The following DPP10 variants were observed in gnomAD, a reference collection of about 807,000 sequenced individuals.
The protein encoded by DPP10 is inactive dipeptidyl peptidase 10.
A neutral mutation model predicts 120.9 loss-of-function variants in DPP10; 33 were observed. The observed-to-expected ratio is 0.27, with a 90% CI of 0.21 to 0.37. The LOEUF (loss-of-function observed/expected upper bound fraction) is 0.37, where lower values mean the gene tolerates loss of function less well. Among genes scored for constraint, DPP10 ranks in the 10% least tolerant of loss-of-function variants. The probability of loss-of-function intolerance (pLI) is 1.00; values close to 1 mark genes in which losing one functional copy is unlikely to be tolerated. For synonymous variants in DPP10, 337 were observed against 326.1 expected (o/e 1.03, Z -0.36); for missense variants, 816 against 942.8 (o/e 0.87, Z 1.76).
intron 1 of DPP10, among the ~76,000 whole-genome samples, chr2:114,778,639 G>C (rs1284481519): frequency 6.6e-6 from 1 of 151,902 alleles, no homozygotes; most frequent in African/African-American, 2.4e-5. Context: ...AAATAGTAAA[G>C]AAATCATGGA....
At chr2:115,509,061 G>A (rs907902673) in intron 4 of DPP10, among the ~76,000 whole-genome samples, 5 of 152,120 alleles carry the variant, frequency 3.3e-5, no homozygotes, top group African/African-American at 1.2e-4. Flanking sequence ...ACAGGTTGGA[G>A]AATTAAGTAG....
At chr2:115,059,065 G>A (rs1389527851) in intron 1 of DPP10, among the ~76,000 whole-genome samples, 1 of 152,088 alleles carries the variant, frequency 6.6e-6, no homozygotes, top group Non-Finnish European at 1.5e-5. Flanking sequence ...TATACAGTCA[G>A]TCATTCCGCT....
At chr2:115,533,385 A>G (rs1234287671) in intron 5 of DPP10, among the ~76,000 whole-genome samples, 1 of 152,116 alleles carries the variant, frequency 6.6e-6, no homozygotes, top group Non-Finnish European at 1.5e-5. Context: ...GCAAAAGATC[A>G]GCATTGTTAT....
At chr2:115,541,213 TC>T (rs899167742) in intron 5 of DPP10, among the ~76,000 whole-genome samples, 5 of 151,936 alleles carry the variant, frequency 3.3e-5, no homozygotes, top group Non-Finnish European at 7.4e-5. Flanking sequence ...AGAAAAATGT[TC>T]CAAATTATGG....
intron 3 of DPP10, among the ~76,000 whole-genome samples, chr2:115,433,705 T>A (rs1338293199): frequency 2.0e-5 from 3 of 152,016 alleles, no homozygotes; most frequent in African/African-American, 7.2e-5. Context: ...ACAAATTGAA[T>A]ACACTCAGTA....
chr2:114,916,169 A>C (rs1340206845), intron 1 of DPP10, among the ~76,000 whole-genome samples: 1 of 152,228 alleles, frequency 6.6e-6, no homozygotes, highest in East Asian at 1.9e-4. Flanking sequence ...ACAGAAATAC[A>C]GAAAATCCTC....
At chr2:115,628,583 A>T (rs985698995) in intron 5 of DPP10, among the ~76,000 whole-genome samples, 5 of 152,086 alleles carry the variant, frequency 3.3e-5, no homozygotes, top group Admixed American at 2.6e-4. Context: ...TCATCATGAA[A>T]TTTTTGCCTA....
At chr2:114,908,825 T>C (rs1230344769) in intron 1 of DPP10, among the ~76,000 whole-genome samples, 4 of 151,736 alleles carry the variant, frequency 2.6e-5, no homozygotes, top group Non-Finnish European at 5.9e-5. Flanking sequence ...ACTTTGCATT[T>C]CTGGAATAAG....
chr2:115,796,873 C>T (rs934091161), intron 19 of DPP10, among the ~76,000 whole-genome samples: 6 of 151,932 alleles, frequency 3.9e-5, no homozygotes, highest in African/African-American at 9.7e-5. Flanking sequence ...GTATGTGTTC[C>T]CCCAAGTTCA....
At chr2:115,591,791 A>G (rs1289642593) in intron 5 of DPP10, among the ~76,000 whole-genome samples, 4 of 152,194 alleles carry the variant, frequency 2.6e-5, no homozygotes, top group African/African-American at 9.7e-5. Flanking sequence ...CCATGAGCAT[A>G]GAACATTCTT....
At chr2:115,162,098 C>CA (rs2104971219) in intron 1 of DPP10, 3 of 1,502,496 alleles carry the variant, frequency 2.0e-6, no homozygotes, top group East Asian at 5.5e-5. Flanking sequence ...GCCCGCCTCC[C>CA]GCTTCCCAGG....
rs150118493 is a variant in DPP10, at chr2:115,693,210, A to G, written c.576+3289A>G. On this transcript the variant is annotated intron_variant, in intron 7 of 25. Transcript: ENST00000410059. ...AGAACTCTCTGTAATCTATCCCACT[A>G]TGATATTTCTGAAAAGTGGCAGCAA... Among the ~76,000 whole-genome samples the G allele has an allele frequency of 2.6e-4, 40 of 152,342 alleles. 2 individuals are homozygous for G. In the East Asian group the frequency reaches 7.3e-3, roughly 28 times the overall value.
chr2:114,714,774 A>G (rs1035902647), intron 1 of DPP10, among the ~76,000 whole-genome samples: 6 of 151,992 alleles, frequency 3.9e-5, no homozygotes, highest in African/African-American at 1.4e-4. Flanking sequence ...TTTTTTTGTT[A>G]TAAAAATAAA....
chr2:114,729,334 C>T (rs72955698), intron 1 of DPP10, among the ~76,000 whole-genome samples: 1,932 of 152,264 alleles, frequency 0.013, 51 homozygotes, highest in African/African-American at 0.045. Context: ...AGGTTATAAG[C>T]GCAGCTAATT....
intron 1 of DPP10, among the ~76,000 whole-genome samples, chr2:114,631,093 T>A (rs951201909): frequency 6.6e-6 from 1 of 152,038 alleles, no homozygotes; most frequent in African/African-American, 2.4e-5. Flanking sequence ...ATAGTTTATG[T>A]TTTTTAGGGA....
intron 1 of DPP10, among the ~76,000 whole-genome samples, chr2:114,888,486 C>A (rs1436961925): frequency 6.6e-6 from 1 of 152,018 alleles, no homozygotes; most frequent in Non-Finnish European, 1.5e-5. Flanking sequence ...ACTTTGAAAA[C>A]TAAGTTTGGT....
intron 1 of DPP10, among the ~76,000 whole-genome samples, chr2:114,453,314 G>C (rs537774486): frequency 8.5e-5 from 13 of 152,146 alleles, no homozygotes; most frequent in African/African-American, 1.2e-4. Context: ...GATCACGTTT[G>C]AGCAAAAGGG....
At chr2:115,803,184 A>C (rs1050860712) in intron 19 of DPP10, among the ~76,000 whole-genome samples, 20 of 152,138 alleles carry the variant, frequency 1.3e-4, no homozygotes, top group African/African-American at 4.6e-4. Context: ...ACTATTATGT[A>C]ATTTCCTTCT....
intron 1 of DPP10, among the ~76,000 whole-genome samples, chr2:114,587,538 T>C (rs1410843527): frequency 6.6e-6 from 1 of 152,026 alleles, no homozygotes; most frequent in Non-Finnish European, 1.5e-5. Flanking sequence ...ACAAAGCAAC[T>C]GAGATGCCAA....
Sources: gnomAD v4.1 joint callset for allele counts (sites outside exome capture counted in the v4.1 genomes callset) on GRCh38, gnomAD v4.1.1 for gene constraint, MANE v1.5 for transcripts, NCBI Gene and HGNC (gene_info 2026-07-23, HGNC 2026-07-21) for gene names.